Variants in SDK1 observed in about 807,000 individuals in gnomAD.
SDK1 encodes the protein sidekick cell adhesion molecule 1.
SDK1 carries 157 observed loss-of-function variants against 245.5 expected under a neutral mutation model. That is an observed-to-expected ratio of 0.64 (90% CI 0.56 to 0.73). SDK1 has a LOEUF of 0.73. SDK1 is among the 30% of genes least tolerant of loss of function. The probability of loss-of-function intolerance (pLI) is 0.00; values close to 1 mark genes in which losing one functional copy is unlikely to be tolerated. For missense variants in SDK1, 3,583 were observed against 3,002.3 expected (o/e 1.19, Z -4.52); for synonymous variants, 1,647 against 1,278.5 (o/e 1.29, Z -6.15).
intron 2 of SDK1, among the ~76,000 whole-genome samples, chr7:3,628,244 A>T (rs1312172781): frequency 6.6e-6 from 1 of 152,068 alleles, no homozygotes; most frequent in African/African-American, 2.4e-5. Flanking sequence ...TCTGTTAATA[A>T]TTCCCTCATA....
chr7:3,690,457 T>G (rs967792984), intron 4 of SDK1, among the ~76,000 whole-genome samples: 8 of 152,220 alleles, frequency 5.3e-5, no homozygotes, highest in African/African-American at 1.9e-4. Flanking sequence ...ATCCTTACAT[T>G]GTTTCTCTTT....
chr7:3,558,514 T>A (rs900870180), intron 1 of SDK1, among the ~76,000 whole-genome samples: 2 of 152,184 alleles, frequency 1.3e-5, no homozygotes, highest in Admixed American at 1.3e-4. Context: ...CCTACACTTT[T>A]CCAGTCACTG....
chr7:3,790,009 C>G (rs10262756), intron 4 of SDK1, among the ~76,000 whole-genome samples: 1 of 152,028 alleles, frequency 6.6e-6, no homozygotes, highest in Non-Finnish European at 1.5e-5. Flanking sequence ...CCTGCCACCA[C>G]CTCTCCCCCT....
chr7:3,627,809 G>T (rs1782166822), intron 2 of SDK1, among the ~76,000 whole-genome samples: 1 of 152,180 alleles, frequency 6.6e-6, no homozygotes, highest in South Asian at 2.1e-4. Flanking sequence ...CTTATCTGAA[G>T]TGGATGCTCT....
chr7:3,968,580 G>C (rs1011101411), intron 10 of SDK1, among the ~76,000 whole-genome samples: 4 of 152,110 alleles, frequency 2.6e-5, no homozygotes, highest in African/African-American at 9.7e-5. Context: ...GAACATAATA[G>C]CTTTATATAA....
At chr7:3,416,383 G>C (rs1779366084) in intron 1 of SDK1, among the ~76,000 whole-genome samples, 1 of 151,862 alleles carries the variant, frequency 6.6e-6, no homozygotes, top group African/African-American at 2.4e-5. Context: ...CTCCCCACGG[G>C]AGAAAGAATG....
At chr7:3,595,192 GT>G (rs71846432) in intron 1 of SDK1, among the ~76,000 whole-genome samples, 16,710 of 151,320 alleles carry the variant, frequency 0.11, 1,502 homozygotes, top group East Asian at 0.35. Flanking sequence ...AATTAACACT[GT>G]TTTTTTCTGC....
chr7:3,620,858 G>A (rs995408194), intron 2 of SDK1, among the ~76,000 whole-genome samples: 11 of 152,042 alleles, frequency 7.2e-5, no homozygotes, highest in Non-Finnish European at 1.6e-4. Flanking sequence ...ACAAGTGAGT[G>A]TGTGACTGCT....
chr7:3,762,973 G>T (rs1241890405), intron 4 of SDK1, among the ~76,000 whole-genome samples: 1 of 152,146 alleles, frequency 6.6e-6, no homozygotes, highest in Non-Finnish European at 1.5e-5. Flanking sequence ...TTAAGCATCA[G>T]AGACTGGATC....
At position 3,536,344 on chromosome 7, in the gene SDK1, G is replaced by A. The variant is rs545306224; in HGVS notation, c.299-82736G>A. Among the ~76,000 whole-genome samples the A allele has an allele frequency of 2.4e-3, 366 of 152,098 alleles. 3 individuals carry two copies. Among genetic ancestry groups the A allele is most frequent in the South Asian group, 0.018 (87 of 4,810 alleles). ...GCCTCCCAAAGTGTTGGGATTATAG[G>A]TGTGAACTGCTGCACCCGGCCACTA... On this transcript the variant is annotated intron_variant, in intron 1 of 44. Coordinates refer to ENST00000404826, the MANE Select transcript of SDK1 (RefSeq NM_152744.4).
chr7:4,243,503 T>A (rs1314357703), intron 43 of SDK1, among the ~76,000 whole-genome samples: 1 of 152,202 alleles, frequency 6.6e-6, no homozygotes, highest in Non-Finnish European at 1.5e-5. Context: ...CAGTTCCACA[T>A]GGCTGGGGAG....
intron 1 of SDK1, among the ~76,000 whole-genome samples, chr7:3,335,771 G>C (rs1362852088): frequency 2.1e-5 from 2 of 93,070 alleles, no homozygotes; most frequent in African/African-American, 1.3e-4. Flanking sequence ...AGGAAAAGTA[G>C]AAACTGCAAG....
At chr7:3,330,700 C>T (rs4560699) in intron 1 of SDK1, among the ~76,000 whole-genome samples, 15,729 of 151,200 alleles carry the variant, frequency 0.1, 1,023 homozygotes, top group African/African-American at 0.18. Context: ...GGGCTAGGCA[C>T]GGTGACTCAT....
chr7:3,454,510 A>G (rs6945265), intron 1 of SDK1, among the ~76,000 whole-genome samples: 29,559 of 151,600 alleles, frequency 0.19, 5,457 homozygotes, highest in African/African-American at 0.49. Flanking sequence ...GCATTACTGC[A>G]AGAGTCCCTT....
At chr7:3,538,941 G>A (rs2128619996) in intron 1 of SDK1, among the ~76,000 whole-genome samples, 1 of 152,296 alleles carries the variant, frequency 6.6e-6, no homozygotes, top group South Asian at 2.1e-4. Flanking sequence ...GTTTTTTGCT[G>A]GATTCCTTTT....
At chr7:4,188,524 T>C (rs1783015082) in intron 35 of SDK1, among the ~76,000 whole-genome samples, 1 of 152,166 alleles carries the variant, frequency 6.6e-6, no homozygotes, top group Non-Finnish European at 1.5e-5. Flanking sequence ...CTATGGCAAA[T>C]ACTTTGTCTT....
At chr7:3,510,938 A>C (rs1256923675) in intron 1 of SDK1, among the ~76,000 whole-genome samples, 1 of 152,224 alleles carries the variant, frequency 6.6e-6, no homozygotes, top group African/African-American at 2.4e-5. Context: ...TTCCGTGGGA[A>C]GCCATCAGAA....
At chr7:3,846,993 G>T (rs77038302) in intron 5 of SDK1, among the ~76,000 whole-genome samples, 8,094 of 151,988 alleles carry the variant, frequency 0.053, 698 homozygotes, top group African/African-American at 0.18. Flanking sequence ...GCTGTCCCCA[G>T]TGCCACCCCA....
At chr7:3,529,791 AG>A (rs1783278384) in intron 1 of SDK1, among the ~76,000 whole-genome samples, 1 of 152,150 alleles carries the variant, frequency 6.6e-6, no homozygotes, top group African/African-American at 2.4e-5. Context: ...CAGGTGGTCG[AG>A]GGGTGGGCTA....
Sources: gnomAD v4.1 joint callset for allele counts (sites outside exome capture counted in the v4.1 genomes callset) on GRCh38, gnomAD v4.1.1 for gene constraint, MANE v1.5 for transcripts, NCBI Gene and HGNC (gene_info 2026-07-23, HGNC 2026-07-21) for gene names.